EPAS1: variants seen among roughly 807,000 people sequenced by gnomAD.
EPAS1 encodes endothelial PAS domain-containing protein 1.
A neutral mutation model predicts 87.9 loss-of-function variants in EPAS1; 23 were observed. The observed-to-expected ratio is 0.26, with a 90% CI of 0.19 to 0.37. The LOEUF is 0.37. Ranked by LOEUF, EPAS1 falls within the 10% of genes least tolerant of loss-of-function variation. EPAS1 has a pLI of 1.00. For synonymous variants in EPAS1, 508 were observed against 444.3 expected (o/e 1.14, Z -1.80); for missense variants, 1,138 against 1,120.7 (o/e 1.02, Z -0.22).
In EPAS1 at chr2:46,360,863, G is replaced by T. The variant is rs758339194; in HGVS notation, c.574-22G>T. On this transcript the variant is annotated intron_variant, in intron 5 of 15. Coordinates refer to ENST00000263734, the MANE Select transcript of EPAS1 (RefSeq NM_001430.5). This position sits in a 1 kb window ranked among gnomAD's most constrained non-coding sequence, Gnocchi z 4.5. ...CCCCAGCACTCTCGGCTCCATGTCT[G>T]ACCCTTCCACGCCTGTCTCAGGTCT... 5 of 1,614,106 alleles carry T rather than the reference G, an allele frequency of 3.1e-6. No homozygotes were observed. In the South Asian group the frequency reaches 5.5e-5, roughly 18 times the overall value.
In EPAS1 at chr2:46,347,054, C is replaced by T; in HGVS notation, c.208C>T (p.Leu70Phe). The stretch of plus-strand genomic sequence containing the variant: ...CAGCTTCCTGCGAACACACAAGCTC[C>T]TCTCCTCAGGTAAGGCCAGCAGGCT... ...AISFLRTHKL[L>F]SSVCSENESE... The change falls in exon 2 of 16, where the codon CTC (leucine) becomes TTC (phenylalanine). Residue 70 changes from leucine to phenylalanine, a missense_variant. Leu to Phe is a conservative substitution (Grantham distance 22). Around this residue, in one of 4 missense-constraint regions of EPAS1, gnomAD observed 351 missense variants for 417.1 expected, o/e 0.84. Coordinates refer to ENST00000263734, the MANE Select transcript of EPAS1 (RefSeq NM_001430.5). This position sits in a 1 kb window ranked among gnomAD's most constrained non-coding sequence, Gnocchi z 4.2. 1 of 1,614,236 alleles carries T rather than the reference C, an allele frequency of 6.2e-7. No individual in the cohort carries two copies. Among genetic ancestry groups the T allele is most frequent in the Non-Finnish European group, 8.5e-7 (1 of 1,180,044 alleles).
In EPAS1 at chr2:46,356,181, C is replaced by A. The variant is rs1415532082; in HGVS notation, c.248C>A (p.Ala83Asp). The change falls in exon 3 of 16, where the codon GCT becomes GAT. Residue 83 changes from alanine to aspartate, a missense_variant. Physicochemically the swap from Ala to Asp is moderately radical, Grantham distance 126 (BLOSUM62 -2). Around this residue, in one of 4 missense-constraint regions of EPAS1, gnomAD observed 351 missense variants for 417.1 expected, o/e 0.84. Coordinates refer to ENST00000263734, the MANE Select transcript of EPAS1 (RefSeq NM_001430.5). ...VCSENESEAE[A>D]DQQMDNLYLK... ...TCTGAAAACGAGTCCGAAGCCGAAG[C>A]TGACCAGCAGATGGACAACTTGTAC... 2 of 1,567,030 alleles carry A rather than the reference C, an allele frequency of 1.3e-6. No homozygotes were observed. Among genetic ancestry groups the A allele is most frequent in the Admixed American group, 3.5e-5 (2 of 57,870 alleles).
At position 46,380,569 on chromosome 2, in the gene EPAS1, G is replaced by T. The variant is rs1376232475; in HGVS notation, c.1897G>T (p.Gly633Cys). Reference sequence around the variant, plus strand: ...CAGCACCCCTCTCTCTTCCATGGGGGGCAGATCCAATACCCAGTGGCCCCC... The same window carrying T: ...CAGCACCCCTCTCTCTTCCATGGGGTGCAGATCCAATACCCAGTGGCCCCC... Reference protein sequence around the residue: ...QASTPLSSMGGRSNTQWPPDP... With the variant: ...QASTPLSSMGCRSNTQWPPDP... The change falls in exon 12 of 16, where the codon GGC becomes TGC. Residue 633 changes from glycine to cysteine, a missense_variant. Around this residue, in one of 4 missense-constraint regions of EPAS1, gnomAD observed 502 missense variants for 427.1 expected, o/e 1.18. Coordinates refer to ENST00000263734, the MANE Select transcript of EPAS1 (RefSeq NM_001430.5). The surrounding 1 kb of genome is among the most constrained non-coding windows in gnomAD (Gnocchi z 4.4). The T allele has an allele frequency of 1.2e-6, 2 of 1,614,052 alleles. No homozygotes were observed. The highest frequency in any genetic ancestry group is 1.7e-6 in the Non-Finnish European group (2 of 1,179,998).
chr2:46,355,828 C>G (rs1280555834), intron 2 of EPAS1, among the ~76,000 whole-genome samples: 1 of 152,252 alleles, frequency 6.6e-6, no homozygotes, highest in Non-Finnish European at 1.5e-5. Context: ...AGTCTATAGG[C>G]TGTACAGGTG....
At position 46,385,261 on chromosome 2, in the gene EPAS1, C is replaced by A. The variant is rs1684991056; in HGVS notation, c.*601C>A. Reference sequence around the variant, plus strand: ...AAGAAATGTGAAGGGTCAACTCCAACGTATGTGGTTATCTGTGAAAGTTGC... The same window carrying A: ...AAGAAATGTGAAGGGTCAACTCCAAAGTATGTGGTTATCTGTGAAAGTTGC... On this transcript the variant is annotated 3_prime_UTR_variant, in exon 16 of 16. Coordinates refer to ENST00000263734, the MANE Select transcript of EPAS1 (RefSeq NM_001430.5). 6.5e-6 allele frequency: 1 copy of A among 152,916 alleles called. No homozygotes were observed. The highest frequency in any genetic ancestry group is 1.5e-5 in the Non-Finnish European group (1 of 68,470). The allele number at this position is 152,916 out of a possible 1,614,324, so 9.5% of individuals were successfully genotyped here.
At position 46,384,590 on chromosome 2, in the gene EPAS1, T is replaced by C; in HGVS notation, c.2543T>C (p.Val848Ala). 1 of 1,614,152 alleles carries C rather than the reference T, an allele frequency of 6.2e-7. No individual in the cohort carries two copies. The highest frequency in any genetic ancestry group is 8.5e-7 in the Non-Finnish European group (1 of 1,180,020). The change falls in exon 16 of 16, where the codon GTG (valine) becomes GCG (alanine). Residue 848 changes from valine (V) to alanine (A), a missense_variant. Val to Ala is a moderately conservative substitution (Grantham distance 64, BLOSUM62 0). Around this residue, in one of 4 missense-constraint regions of EPAS1, gnomAD observed 502 missense variants for 427.1 expected, o/e 1.18. Coordinates refer to ENST00000263734, the MANE Select transcript of EPAS1 (RefSeq NM_001430.5). ...ELTRYDCEVN[V>A]PVLGSSTLLQ... ...ACCAGATATGACTGTGAGGTGAACG[T>C]GCCCGTGCTGGGAAGCTCCACGCTC... is the stretch of plus-strand genomic sequence containing the variant.
At chr2:46,306,670 T>C (rs1043695345) in intron 1 of EPAS1, among the ~76,000 whole-genome samples, 1 of 152,096 alleles carries the variant, frequency 6.6e-6, no homozygotes, top group African/African-American at 2.4e-5. Flanking sequence ...TAAGCACACA[T>C]AAAAACTCGG....
intron 15 of EPAS1, among the ~76,000 whole-genome samples, chr2:46,384,111 G>C (rs1032271801): frequency 2.6e-5 from 4 of 152,348 alleles, no homozygotes; most frequent in Admixed American, 6.5e-5. Flanking sequence ...TCAGACTGTT[G>C]AATCTTGAGG....
intron 1 of EPAS1, among the ~76,000 whole-genome samples, chr2:46,342,689 G>A (rs992460747): frequency 6.6e-6 from 1 of 152,178 alleles, no homozygotes; most frequent in Non-Finnish European, 1.5e-5. Context: ...TCTTGACCAA[G>A]AGCAGATCAT....
intron 6 of EPAS1, among the ~76,000 whole-genome samples, chr2:46,368,291 G>C (rs868796365): frequency 6.6e-6 from 1 of 152,264 alleles, no homozygotes; most frequent in South Asian, 2.1e-4. Flanking sequence ...TCAGGGCTTG[G>C]AGAAGAGGGG....
At chr2:46,321,194 TACA>T (rs1683449170) in intron 1 of EPAS1, among the ~76,000 whole-genome samples, 1 of 152,270 alleles carries the variant, frequency 6.6e-6, no homozygotes, top group Non-Finnish European at 1.5e-5. Flanking sequence ...TCATCCAAGT[TACA>T]ACATGTATTC....
At chr2:46,330,605 A>G (rs1366030571) in intron 1 of EPAS1, among the ~76,000 whole-genome samples, 1 of 152,176 alleles carries the variant, frequency 6.6e-6, no homozygotes, top group African/African-American at 2.4e-5. Flanking sequence ...GGAGATAATC[A>G]CCTCTTGTAA....
chr2:46,299,486 A>C (rs1052230312), intron 1 of EPAS1, among the ~76,000 whole-genome samples: 1 of 152,234 alleles, frequency 6.6e-6, no homozygotes, highest in Non-Finnish European at 1.5e-5. Flanking sequence ...AAGACTCTTA[A>C]GATTCCAGTG....
chr2:46,357,240 G>C (rs1018182181), intron 4 of EPAS1, among the ~76,000 whole-genome samples: 19 of 152,194 alleles, frequency 1.2e-4, no homozygotes, highest in African/African-American at 4.6e-4. Context: ...GGGTTCTGTG[G>C]GTTCAGTGGG....
At chr2:46,340,914 T>C (rs1683899076) in intron 1 of EPAS1, among the ~76,000 whole-genome samples, 1 of 152,034 alleles carries the variant, frequency 6.6e-6, no homozygotes, top group Non-Finnish European at 1.5e-5. Context: ...AGAGATGGGG[T>C]CTTGCTGTGT....
intron 6 of EPAS1, among the ~76,000 whole-genome samples, chr2:46,367,180 A>C (rs1052461504): frequency 6.6e-6 from 1 of 152,270 alleles, no homozygotes; most frequent in Non-Finnish European, 1.5e-5. Context: ...TGGATGATAC[A>C]TTAATTAGAT....
At chr2:46,315,548 G>A (rs1049232794) in intron 1 of EPAS1, among the ~76,000 whole-genome samples, 30 of 152,174 alleles carry the variant, frequency 2.0e-4, no homozygotes, top group Admixed American at 1.6e-3. Context: ...TGCTGGCTTC[G>A]GCCCCACTGA....
intron 2 of EPAS1, among the ~76,000 whole-genome samples, chr2:46,350,851 C>G (rs1684132402): frequency 6.6e-6 from 1 of 152,202 alleles, no homozygotes; most frequent in South Asian, 2.1e-4. Context: ...GATTCATCAT[C>G]ATTTGCTTAG....
chr2:46,367,600 A>G lies in EPAS1; in HGVS notation c.780-2227A>G, dbSNP rs186636665. ...GGTCAGGTTGCCAGATAATGTATCC[A>G]TTGCTAATGAGTTCAGAGACCTCTC... On this transcript the variant is annotated intron_variant, in intron 6 of 15. Transcript: ENST00000263734. Among the ~76,000 whole-genome samples the G allele has an allele frequency of 2.7e-3, 404 of 152,360 alleles. 4 individuals are homozygous for G. Among genetic ancestry groups the G allele is most frequent in the African/African-American group, 9.2e-3 (384 of 41,584 alleles).
Sources: allele counts gnomAD v4.1 joint callset (sites outside exome capture counted in the v4.1 genomes callset), GRCh38; gene constraint gnomAD v4.1.1; regional missense constraint gnomAD v4.1.1; non-coding constraint Gnocchi (gnomAD v3.1); transcripts MANE v1.5; gene names NCBI Gene and HGNC (gene_info 2026-07-23, HGNC 2026-07-21).